The following LAMC1 variants were observed in gnomAD, a reference collection of about 807,000 sequenced individuals.
The protein encoded by LAMC1 is laminin subunit gamma 1, also known as laminin subunit gamma-1.
A neutral mutation model predicts 173.6 loss-of-function variants in LAMC1; 38 were observed. That is an observed-to-expected ratio of 0.22 (90% confidence interval 0.17 to 0.29). The LOEUF (loss-of-function observed/expected upper bound fraction) is 0.29. LAMC1 is among the 10% of genes least tolerant of loss of function. The pLI is 1.00. For synonymous variants in LAMC1, 746 were observed against 749.1 expected, an observed-to-expected ratio of 1.00 and a Z score of 0.07; for missense variants, 1,824 against 2,051.8, an observed-to-expected ratio of 0.89 and a Z score of 2.14.
chr1:183,053,406 G>T (rs1442689495), intron 1 of LAMC1, among the ~76,000 whole-genome samples: 1 of 120,452 alleles, frequency 8.3e-6, no homozygotes. Flanking sequence ...ATCTGGATCT[G>T]TTTTTTGTGT....
chr1:183,141,006 A>T (rs944969862), intron 27 of LAMC1: 12 of 152,264 alleles, frequency 7.9e-5, no homozygotes, highest in African/African-American at 2.7e-4. Context: ...TCAATAGTAG[A>T]ATAAAAGAAT....
At chr1:183,029,901 C>T (rs982800876) in intron 1 of LAMC1, among the ~76,000 whole-genome samples, 2 of 152,088 alleles carry the variant, frequency 1.3e-5, no homozygotes, top group African/African-American at 4.8e-5. Context: ...GGACATTGCC[C>T]TGACCTCATT....
At chr1:183,128,514 T>C in intron 17 of LAMC1, 80 bp from the exon 18 acceptor site, 1 of 1,217,186 alleles carries the variant, frequency 8.2e-7, no homozygotes, top group Non-Finnish European at 1.1e-6. Context: ...GTGCCCATGA[T>C]TCCTGCAGGA....
Position 183,122,114 on chromosome 1 carries a change from G to C in LAMC1, c.2264G>C (p.Ser755Thr). 1 of 1,614,228 alleles carries C rather than the reference G, an allele frequency of 6.2e-7. No individual in the cohort carries two copies. The highest frequency in any genetic ancestry group is 8.5e-7 in the Non-Finnish European group (1 of 1,180,040). ...GCTGGCCCGCACTGTGAGAAGTGCA[G>C]TGATGGGTACTATGGAGATTCAACT... ...NTAGPHCEKC[S>T]DGYYGDSTAG... The change falls in exon 13 of 28, where the codon AGT (serine) becomes ACT (threonine). Residue 755 changes from serine (S) to threonine (T), a missense_variant. Transcript: ENST00000258341.
chr1:183,030,349 C>T (rs766567401), intron 1 of LAMC1, among the ~76,000 whole-genome samples: 4 of 152,172 alleles, frequency 2.6e-5, no homozygotes, highest in African/African-American at 7.2e-5. Flanking sequence ...GATGCAAGCA[C>T]AGAGAGGATT....
In LAMC1 at chr1:183,126,270, G is replaced by A; in HGVS notation, c.2944+8G>A. ...GACCTGAAGGCTGCAAACGTAAGGGGTGTTGGTGGCATACAACTCTAAGCT... is the reference window on the plus strand; with the variant it reads ...GACCTGAAGGCTGCAAACGTAAGGGATGTTGGTGGCATACAACTCTAAGCT... On this transcript the variant is annotated splice_region_variant and intron_variant, in intron 16 of 27. Coordinates refer to ENST00000258341, the MANE Select transcript of LAMC1 (RefSeq NM_002293.4). The A allele has an allele frequency of 2.5e-6, 4 of 1,612,178 alleles. No homozygotes were observed. Among genetic ancestry groups the A allele is most frequent in the Non-Finnish European group, 3.4e-6 (4 of 1,179,330 alleles).
At chr1:183,068,527 C>T (rs1337875263) in intron 1 of LAMC1, among the ~76,000 whole-genome samples, 1 of 152,148 alleles carries the variant, frequency 6.6e-6, no homozygotes, top group Non-Finnish European at 1.5e-5. Flanking sequence ...ATATTTTATG[C>T]TCATTTTCCT....
At chr1:183,053,578 A>G (rs866490381) in intron 1 of LAMC1, among the ~76,000 whole-genome samples, 1 of 152,088 alleles carries the variant, frequency 6.6e-6, no homozygotes, top group African/African-American at 2.4e-5. Flanking sequence ...CAGAACATTT[A>G]CATTTTGTGA....
At chr1:183,053,452 T>G (rs1654492787) in intron 1 of LAMC1, among the ~76,000 whole-genome samples, 1 of 152,070 alleles carries the variant, frequency 6.6e-6, no homozygotes, top group Non-Finnish European at 1.5e-5. Flanking sequence ...AATGGGTTGT[T>G]TGAAAAGTAT....
intron 2 of LAMC1, among the ~76,000 whole-genome samples, chr1:183,107,711 T>A (rs10911245): frequency 0.49 from 74,133 of 151,434 alleles, 19,362 homozygotes; most frequent in South Asian, 0.65. Context: ...GCGCCTGTAG[T>A]CCCAGCTACT....
chr1:183,044,183 A>G (rs1654208000), intron 1 of LAMC1, among the ~76,000 whole-genome samples: 1 of 151,796 alleles, frequency 6.6e-6, no homozygotes. Context: ...TTTCTTTTTT[A>G]TTTTTTTAAA....
chr1:183,053,365 A>G (rs1654485966), intron 1 of LAMC1, among the ~76,000 whole-genome samples: 2 of 151,510 alleles, frequency 1.3e-5, no homozygotes, highest in South Asian at 4.2e-4. Context: ...GATATTTTCT[A>G]TTCACTTCTA....
Position 183,118,036 on chromosome 1 carries a change from T to G in LAMC1, c.1880T>G (p.Leu627Arg). 1.3e-6 allele frequency: 2 copies of G among 1,597,320 alleles called. No individual in the cohort carries two copies. The highest frequency in any genetic ancestry group is 1.7e-6 in the Non-Finnish European group (2 of 1,165,680). Residue 627 changes from leucine (L) to arginine (R), a missense_variant and splice_region_variant, in exon 11 of 28, where the codon CTC becomes CGC. Coordinates refer to ENST00000258341, the MANE Select transcript of LAMC1 (RefSeq NM_002293.4). The part of the protein sequence containing the change: ...SETTVKYVFR[L>R]HEATDYPWRP... ...TGTGGCCCTTTCTTTCTCTCCAGGC[T>G]CCATGAAGCAACAGATTACCCTTGG... is the stretch of plus-strand genomic sequence containing the variant.
chr1:183,051,337 G>A (rs1036721984), intron 1 of LAMC1, among the ~76,000 whole-genome samples: 4 of 152,172 alleles, frequency 2.6e-5, no homozygotes, highest in African/African-American at 9.7e-5. Flanking sequence ...ATATTTGACA[G>A]GACATGAGCA....
At chr1:183,090,008 C>T (rs6674729) in intron 1 of LAMC1, among the ~76,000 whole-genome samples, 51,450 of 152,048 alleles carry the variant, frequency 0.34, 9,756 homozygotes, top group East Asian at 0.49. Flanking sequence ...TAAGAAGTCT[C>T]CTCTGTTTTA....
intron 2 of LAMC1, among the ~76,000 whole-genome samples, chr1:183,104,892 G>A (rs1470439214): frequency 6.6e-6 from 1 of 151,928 alleles, no homozygotes; most frequent in East Asian, 1.9e-4. Context: ...ATAAATGGCC[G>A]AGAGAATAGC....
chr1:183,116,524 G>T, intron 6 of LAMC1, 53 bp from the exon 7 acceptor site: 1 of 1,218,602 alleles, frequency 8.2e-7, no homozygotes, highest in South Asian at 1.3e-5. Context: ...CTGACTTGAA[G>T]AGTGGAAGTT....
chr1:183,128,709 G>A lies in LAMC1; in HGVS notation c.3239G>A (p.Arg1080Lys), dbSNP rs1656694912. Residue 1080 changes from arginine (R) to lysine (K), a missense_variant, in exon 18 of 28, where the codon AGG becomes AAG. Physicochemically the swap from Arg to Lys is conservative, Grantham distance 26. Coordinates refer to ENST00000258341, the MANE Select transcript of LAMC1 (RefSeq NM_002293.4). ...GAGGATAGACTAAAGGAAGCAGAGA[G>A]GGAAGTTATGGACCTCCTTCGTGAG... Reference protein sequence around the residue: ...AFEDRLKEAEREVMDLLREAQ... With the variant: ...AFEDRLKEAEKEVMDLLREAQ... 2 of 1,613,390 alleles carry A rather than the reference G, an allele frequency of 1.2e-6. No homozygotes were observed. Among genetic ancestry groups the A allele is most frequent in the Non-Finnish European group, 1.7e-6 (2 of 1,179,594 alleles).
At chr1:183,042,930 G>A (rs774240731) in intron 1 of LAMC1, among the ~76,000 whole-genome samples, 13 of 152,270 alleles carry the variant, frequency 8.5e-5, no homozygotes, top group African/African-American at 2.4e-5. Flanking sequence ...TTCACTTGAC[G>A]ATGCTGATGG....
Sources: allele counts gnomAD v4.1 joint callset (sites outside exome capture counted in the v4.1 genomes callset), GRCh38; gene constraint gnomAD v4.1.1; transcripts MANE v1.5; gene names NCBI Gene and HGNC (gene_info 2026-07-23, HGNC 2026-07-21).